NME7: variants seen among roughly 807,000 people sequenced by gnomAD.
NME7 encodes the protein NME/NM23 family member 7.
A neutral mutation model predicts 49.1 loss-of-function variants in NME7; 41 were observed. That is an observed-to-expected ratio of 0.83 (90% CI 0.65 to 1.08). The LOEUF (loss-of-function observed/expected upper bound fraction) is 1.08, where lower values mean the gene tolerates loss of function less well. NME7 is among the 50% of genes least tolerant of loss of function. The pLI, the probability that NME7 is intolerant of heterozygous loss-of-function variation, is 0.00. For synonymous variants in NME7, 139 were observed against 150.6 expected (o/e 0.92, Z 0.56); for missense variants, 423 against 463.4 (o/e 0.91, Z 0.80).
intron 3 of NME7, among the ~76,000 whole-genome samples, chr1:169,314,536 T>C (rs960381915): frequency 6.6e-6 from 1 of 152,068 alleles, no homozygotes; most frequent in Non-Finnish European, 1.5e-5. Context: ...CAGGATAAGA[T>C]GTCAGAGTTA....
At chr1:169,281,691 T>A (rs1372418889) in intron 7 of NME7, among the ~76,000 whole-genome samples, 1 of 152,230 alleles carries the variant, frequency 6.6e-6, no homozygotes, top group Non-Finnish European at 1.5e-5. Flanking sequence ...GAAGGCCTTT[T>A]CTGCATCTAT....
chr1:169,352,224 T>C (rs1182024351), intron 1 of NME7, among the ~76,000 whole-genome samples: 1 of 152,052 alleles, frequency 6.6e-6, no homozygotes, highest in African/African-American at 2.4e-5. Context: ...AAAAATATCA[T>C]TCATCATGAC....
At chr1:169,138,508 G>A (rs1259751926) in intron 11 of NME7, among the ~76,000 whole-genome samples, 2 of 151,966 alleles carry the variant, frequency 1.3e-5, no homozygotes, top group East Asian at 1.9e-4. Flanking sequence ...CCAGGAGTTC[G>A]AAACTAGCCT....
intron 9 of NME7, among the ~76,000 whole-genome samples, chr1:169,233,774 A>T (rs1429073316): frequency 6.6e-6 from 1 of 152,156 alleles, no homozygotes; most frequent in African/African-American, 2.4e-5. Flanking sequence ...TGCCTCTGAT[A>T]TTGAAGTACT....
At position 169,324,375 on chromosome 1, in the gene NME7, A is replaced by G; in HGVS notation, c.111+18T>C. On this transcript the variant is annotated intron_variant, in intron 2 of 11. Transcript: ENST00000367811. ...TCACCCCCTTTGCCAACATTCAAGC[A>G]AAGAAAGGCTTATTTACCATTTCAA... The G allele has an allele frequency of 6.5e-7, 1 of 1,539,150 alleles. No individual in the cohort carries two copies. The highest frequency in any genetic ancestry group is 9.0e-7 in the Non-Finnish European group (1 of 1,114,624).
rs1034045080 is a variant in NME7, at chr1:169,273,899, G to C, written c.754+13404C>G. Among the ~76,000 whole-genome samples the C allele has an allele frequency of 3.9e-5, 5 of 128,608 alleles. 1 individual carries two copies. The highest frequency in any genetic ancestry group is 1.3e-4 in the African/African-American group (5 of 38,188). The allele number at this position is 128,608 out of a possible 152,430, so 84.4% of individuals were successfully genotyped here. ...GGGTTGGTTCCAAGTCTTTGCTATT[G>C]TGAATAGTGCCGCAATAAACATACG... On this transcript the variant is annotated intron_variant, in intron 7 of 11. Coordinates refer to ENST00000367811, the MANE Select transcript of NME7 (RefSeq NM_013330.5).
intron 7 of NME7, among the ~76,000 whole-genome samples, chr1:169,253,213 T>C (rs1444325837): frequency 9.4e-5 from 14 of 148,818 alleles, no homozygotes; most frequent in Non-Finnish European, 4.5e-5. Flanking sequence ...GTTCTTCCAT[T>C]TGTTTGTATC....
chr1:169,328,564 G>A (rs1652147442), intron 1 of NME7, among the ~76,000 whole-genome samples: 1 of 151,838 alleles, frequency 6.6e-6, no homozygotes, highest in South Asian at 2.1e-4. Flanking sequence ...AAAAAAATCA[G>A]TATGAAGGAA....
chr1:169,163,817 A>C (rs955034709), intron 11 of NME7, among the ~76,000 whole-genome samples: 1 of 152,176 alleles, frequency 6.6e-6, no homozygotes, highest in Non-Finnish European at 1.5e-5. Context: ...TGTTTAAAAA[A>C]ATTAGAATCT....
At chr1:169,333,182 G>C (rs534022502) in intron 1 of NME7, among the ~76,000 whole-genome samples, 5 of 152,214 alleles carry the variant, frequency 3.3e-5, no homozygotes, top group African/African-American at 1.2e-4. Flanking sequence ...AGATCATTAT[G>C]TTAAGTGAAA....
chr1:169,299,667 C>G (rs1342196333), intron 5 of NME7, among the ~76,000 whole-genome samples: 1 of 152,054 alleles, frequency 6.6e-6, no homozygotes, highest in Non-Finnish European at 1.5e-5. Flanking sequence ...TTCCTTCCAC[C>G]CTGCATGTTA....
intron 10 of NME7, among the ~76,000 whole-genome samples, chr1:169,223,161 T>C (rs191120205): frequency 6.6e-6 from 1 of 152,332 alleles, no homozygotes; most frequent in East Asian, 1.9e-4. Context: ...TATTTCTGTA[T>C]AATTGAATTC....
intron 1 of NME7, among the ~76,000 whole-genome samples, chr1:169,359,979 G>C (rs1469389613): frequency 6.6e-6 from 1 of 152,134 alleles, no homozygotes; most frequent in Non-Finnish European, 1.5e-5. Flanking sequence ...GACAACTTTG[G>C]AAGTGAAGAA....
chr1:169,313,416 C>A (rs1651489587), intron 3 of NME7, among the ~76,000 whole-genome samples: 2 of 152,032 alleles, frequency 1.3e-5, no homozygotes, highest in South Asian at 4.1e-4. Flanking sequence ...ACAACCAGGT[C>A]TTGAATGGCA....
At chr1:169,150,206 T>A (rs547340409) in intron 11 of NME7, among the ~76,000 whole-genome samples, 27 of 152,292 alleles carry the variant, frequency 1.8e-4, no homozygotes, top group African/African-American at 3.8e-4. Context: ...GTCTCTAATT[T>A]ACTCTGTATG....
chr1:169,148,471 C>T (rs1658822140), intron 11 of NME7, among the ~76,000 whole-genome samples: 1 of 134,044 alleles, frequency 7.5e-6, no homozygotes, highest in Non-Finnish European at 1.6e-5. Flanking sequence ...TAACAATTTT[C>T]ACCCTAAAGC....
chr1:169,341,717 C>CTGGG (rs1652708940), intron 1 of NME7, among the ~76,000 whole-genome samples: 1 of 152,112 alleles, frequency 6.6e-6, no homozygotes, highest in African/African-American at 2.4e-5. Context: ...TCAGCATGCC[C>CTGGG]TGGGTGTGAG....
At chr1:169,350,058 G>A (rs1653095956) in intron 1 of NME7, among the ~76,000 whole-genome samples, 1 of 151,842 alleles carries the variant, frequency 6.6e-6, no homozygotes, top group Non-Finnish European at 1.5e-5. Context: ...GGAGTGTGGT[G>A]GTGGGTGCCT....
At chr1:169,315,357 C>G (rs370624069) in intron 3 of NME7, among the ~76,000 whole-genome samples, 6 of 151,660 alleles carry the variant, frequency 4.0e-5, no homozygotes, top group Non-Finnish European at 8.8e-5. Flanking sequence ...CTCCACCTCC[C>G]GGGTTCAAGC....
Sources: allele counts gnomAD v4.1 joint callset (sites outside exome capture counted in the v4.1 genomes callset), GRCh38; gene constraint gnomAD v4.1.1; transcripts MANE v1.5; gene names NCBI Gene and HGNC (gene_info 2026-07-23, HGNC 2026-07-21).